Variants in VAV3 observed in about 807,000 individuals in gnomAD.
VAV3 encodes the protein guanine nucleotide exchange factor VAV3.
In VAV3, 94 loss-of-function variants were observed where a neutral mutation model predicts 131.2. That is an observed-to-expected ratio of 0.72 (90% CI 0.61 to 0.85). VAV3 has a LOEUF of 0.85. VAV3 is among the 40% of genes least tolerant of loss of function. The probability of loss-of-function intolerance (pLI) is 0.00; values close to 1 mark genes in which losing one functional copy is unlikely to be tolerated. For missense variants in VAV3, 939 were observed against 1,002.7 expected, an observed-to-expected ratio of 0.94 and a Z score of 0.86; for synonymous variants, 349 against 342.0, an observed-to-expected ratio of 1.02 and a Z score of -0.22.
intron 1 of VAV3, among the ~76,000 whole-genome samples, chr1:107,946,909 C>T (rs145252534): frequency 1.1e-4 from 17 of 152,276 alleles, no homozygotes; most frequent in South Asian, 2.1e-4. Context: ...TAAGAGTTTA[C>T]AACATTCAAA....
chr1:107,752,853 AAAGTT>A (rs1159764370), intron 12 of VAV3, among the ~76,000 whole-genome samples: 4 of 152,180 alleles, frequency 2.6e-5, no homozygotes, highest in African/African-American at 7.2e-5. Flanking sequence ...TGGTAGTAGG[AAAGTT>A]AAGTGGGGCA....
At chr1:107,736,315 T>A (rs1484346452) in intron 15 of VAV3, among the ~76,000 whole-genome samples, 3 of 152,154 alleles carry the variant, frequency 2.0e-5, no homozygotes, top group African/African-American at 7.2e-5. Flanking sequence ...GGATGCCCTC[T>A]CTCACCACTC....
intron 2 of VAV3, among the ~76,000 whole-genome samples, chr1:107,817,899 T>C (rs368928143): frequency 1.1e-4 from 16 of 152,210 alleles, no homozygotes; most frequent in East Asian, 7.7e-4. Flanking sequence ...GTTTGCTCTC[T>C]GGACTCAACT....
Position 107,884,960 on chromosome 1 carries a change from C to T in VAV3, c.205-9943G>A, listed in dbSNP as rs980110936. Among the ~76,000 whole-genome samples the T allele has an allele frequency of 4.6e-5, 7 of 152,166 alleles. No homozygotes were observed. The East Asian group carries it at 1.4e-3, about 29-fold the overall frequency. On this transcript the variant is annotated intron_variant, in intron 1 of 26. Transcript: ENST00000370056. ...AGTGGTGGTTTAGCAATAGTAATGT[C>T]AGCAGTAAAAATAACAGTGGAATAG...
At chr1:107,871,493 T>C (rs1192002733) in intron 2 of VAV3, among the ~76,000 whole-genome samples, 1 of 147,876 alleles carries the variant, frequency 6.8e-6, no homozygotes, top group Non-Finnish European at 1.5e-5. Flanking sequence ...TCACTCCTCT[T>C]TCCTGTGTGA....
intron 1 of VAV3, among the ~76,000 whole-genome samples, chr1:107,931,399 C>A (rs1054799572): frequency 6.6e-6 from 1 of 151,900 alleles, no homozygotes; most frequent in Non-Finnish European, 1.5e-5. Context: ...TAAGTATGCA[C>A]AATTATTATA....
At chr1:107,705,690 T>A (rs113321447) in intron 15 of VAV3, among the ~76,000 whole-genome samples, 5 of 152,196 alleles carry the variant, frequency 3.3e-5, no homozygotes, top group African/African-American at 1.2e-4. Flanking sequence ...AAACTAATAT[T>A]CTTTGTATAT....
At chr1:107,588,566 T>C (rs1182515955) in intron 25 of VAV3, among the ~76,000 whole-genome samples, 2 of 152,142 alleles carry the variant, frequency 1.3e-5, no homozygotes, top group African/African-American at 2.4e-5. Context: ...ACTAACTCTT[T>C]TAAGCCTCCT....
At chr1:107,927,373 G>A (rs1055961591) in intron 1 of VAV3, among the ~76,000 whole-genome samples, 1 of 152,246 alleles carries the variant, frequency 6.6e-6, no homozygotes. Flanking sequence ...ATTCCCAGCT[G>A]TGGTGGCTAT....
At chr1:107,685,967 G>C (rs1033966105) in intron 18 of VAV3, 4 of 122,040 alleles carry the variant, frequency 3.3e-5, no homozygotes, top group African/African-American at 1.3e-4. Context: ...ACCACCATGA[G>C]AATCAGTCTC....
intron 2 of VAV3, among the ~76,000 whole-genome samples, chr1:107,848,635 C>T (rs1669083563): frequency 6.6e-6 from 1 of 152,098 alleles, no homozygotes; most frequent in Non-Finnish European, 1.5e-5. Flanking sequence ...TGGGCAAAAC[C>T]TGGAAGCATT....
intron 19 of VAV3, chr1:107,669,494 T>G (rs1174224954): frequency 8.6e-6 from 11 of 1,279,358 alleles, no homozygotes; most frequent in African/African-American, 1.5e-5. Context: ...AAGAAAGAAA[T>G]AAACACATTT....
At chr1:107,943,351 A>G (rs139682335) in intron 1 of VAV3, among the ~76,000 whole-genome samples, 3 of 152,288 alleles carry the variant, frequency 2.0e-5, no homozygotes, top group Admixed American at 2.0e-4. Flanking sequence ...ACAAAATTAC[A>G]TAAGATTAGT....
intron 20 of VAV3, among the ~76,000 whole-genome samples, chr1:107,632,437 G>A (rs1009231414): frequency 6.6e-6 from 1 of 152,152 alleles, no homozygotes; most frequent in African/African-American, 2.4e-5. Flanking sequence ...CTTGACCAAA[G>A]CCATATAGCT....
At chr1:107,934,847 A>T (rs894880034) in intron 1 of VAV3, among the ~76,000 whole-genome samples, 8 of 152,268 alleles carry the variant, frequency 5.3e-5, no homozygotes, top group Non-Finnish European at 1.0e-4. Context: ...CACATGCTAA[A>T]CAAAATATAG....
chr1:107,700,581 C>T (rs907605839), intron 17 of VAV3, among the ~76,000 whole-genome samples: 1 of 152,310 alleles, frequency 6.6e-6, no homozygotes, highest in Non-Finnish European at 1.5e-5. Flanking sequence ...CATTAGTTTG[C>T]TGAGGATAAT....
intron 2 of VAV3, among the ~76,000 whole-genome samples, chr1:107,810,549 T>C (rs995507402): frequency 6.6e-6 from 1 of 152,170 alleles, no homozygotes; most frequent in African/African-American, 2.4e-5. Context: ...TTATAAAACA[T>C]CACAGTCCCA....
chr1:107,868,709 G>C (rs1670116869), intron 2 of VAV3, among the ~76,000 whole-genome samples: 1 of 152,148 alleles, frequency 6.6e-6, no homozygotes, highest in Non-Finnish European at 1.5e-5. Flanking sequence ...AGGAGATGTA[G>C]AGGCTTAACA....
At chr1:107,613,481 A>G (rs891662285) in intron 21 of VAV3, among the ~76,000 whole-genome samples, 40 of 152,074 alleles carry the variant, frequency 2.6e-4, no homozygotes, top group Admixed American at 3.3e-4. Context: ...TATGCCATGT[A>G]ATATGTCCAT....
Sources: gnomAD v4.1 joint callset for allele counts (sites outside exome capture counted in the v4.1 genomes callset) on GRCh38, gnomAD v4.1.1 for gene constraint, MANE v1.5 for transcripts, NCBI Gene and HGNC (gene_info 2026-07-23, HGNC 2026-07-21) for gene names.